The following DLG2 variants were observed in gnomAD, a reference collection of about 807,000 sequenced individuals.
DLG2 encodes discs large MAGUK scaffold protein 2.
In DLG2, 45 loss-of-function variants were observed where a neutral mutation model predicts 132.5. That is an observed-to-expected ratio of 0.34 (90% CI 0.27 to 0.44). The LOEUF is 0.44. Ranked by LOEUF, DLG2 falls within the 20% of genes least tolerant of loss-of-function variation. The pLI, the probability that DLG2 is intolerant of heterozygous loss-of-function variation, is 1.00. For missense variants in DLG2, 1,045 were observed against 1,196.9 expected (o/e 0.87, Z 1.87); for synonymous variants, 424 against 419.6 (o/e 1.01, Z -0.13).
chr11:85,017,780 T>C (rs2059693498), intron 6 of DLG2, among the ~76,000 whole-genome samples: 1 of 152,110 alleles, frequency 6.6e-6, no homozygotes, highest in Admixed American at 6.5e-5. Context: ...AACAAACACT[T>C]GCCCTTGAAG....
intron 9 of DLG2, among the ~76,000 whole-genome samples, chr11:84,131,471 T>C (rs2094420170): frequency 6.6e-6 from 1 of 152,006 alleles, no homozygotes; most frequent in Non-Finnish European, 1.5e-5. Flanking sequence ...GTTCCTACCA[T>C]GAGCAGGAAG....
intron 6 of DLG2, among the ~76,000 whole-genome samples, chr11:85,093,273 T>C (rs543951831): frequency 1.3e-5 from 2 of 151,622 alleles, no homozygotes; most frequent in South Asian, 4.2e-4. Flanking sequence ...GGGGCAGAAG[T>C]CATACACAAT....
At chr11:83,989,326 A>T (rs1261422334) in intron 11 of DLG2, among the ~76,000 whole-genome samples, 1 of 152,162 alleles carries the variant, frequency 6.6e-6, no homozygotes, top group Non-Finnish European at 1.5e-5. Flanking sequence ...ATAACTATGC[A>T]AATTTGAGTT....
chr11:83,483,429 C>T lies in DLG2; in HGVS notation c.2293+700G>A, dbSNP rs887634866. On this transcript the variant is annotated intron_variant, in intron 22 of 27. Coordinates refer to ENST00000376104, the MANE Select transcript of DLG2 (RefSeq NM_001142699.3). ...CTGCCTTAACAATCTGGATCCCATTCTCTCTTCTTTTAAAAAAACTTTCAC... is the reference window on the plus strand; with the variant it reads ...CTGCCTTAACAATCTGGATCCCATTTTCTCTTCTTTTAAAAAAACTTTCAC... The T allele has an allele frequency of 5.0e-6, 3 of 603,372 alleles. No individual in the cohort carries two copies. The South Asian group carries it at 8.1e-5, about 16-fold the overall frequency. 37.4% of individuals were successfully genotyped at this position (603,372 alleles called of 1,614,324 possible). A position where few individuals can be genotyped will look rare whatever the true frequency, so the allele number is the denominator to read the frequency against.
At chr11:83,563,754 C>T (rs1022935158) in intron 19 of DLG2, among the ~76,000 whole-genome samples, 1 of 152,170 alleles carries the variant, frequency 6.6e-6, no homozygotes, top group African/African-American at 2.4e-5. Context: ...CAAGATTCAT[C>T]TAATTAAAAA....
At chr11:85,497,640 G>A (rs1249065345) in intron 3 of DLG2, among the ~76,000 whole-genome samples, 2 of 151,914 alleles carry the variant, frequency 1.3e-5, no homozygotes, top group Admixed American at 6.6e-5. Context: ...TTTCACCAAG[G>A]TTGAAATGAA....
At chr11:83,737,761 G>A (rs957349247) in intron 18 of DLG2, among the ~76,000 whole-genome samples, 1 of 152,178 alleles carries the variant, frequency 6.6e-6, no homozygotes, top group Non-Finnish European at 1.5e-5. Flanking sequence ...AGACCATCTT[G>A]GTTAACACTG....
At position 83,865,588 on chromosome 11, in the gene DLG2, G is replaced by T. The variant is rs79160449; in HGVS notation, c.1565+8832C>A. 4.3e-3 allele frequency among the ~76,000 whole-genome samples: 651 copies of T among 151,946 alleles called. 4 individuals carry two copies. Among genetic ancestry groups the T allele is most frequent in the Non-Finnish European group, 6.2e-3 (424 of 67,846 alleles). ...GGAGAAAATACAGAAAATAAAAGGG[G>T]CCAAGGGAGGAACCGGTAGAGGAGA... On this transcript the variant is annotated intron_variant, in intron 16 of 27. Transcript: ENST00000376104.
intron 3 of DLG2, among the ~76,000 whole-genome samples, chr11:85,342,154 C>G (rs542886041): frequency 4.6e-5 from 7 of 152,214 alleles, no homozygotes; most frequent in African/African-American, 1.7e-4. Context: ...ATTACATTAG[C>G]TTAATATAAC....
chr11:85,100,052 T>C (rs144222222), intron 6 of DLG2, among the ~76,000 whole-genome samples: 1 of 152,244 alleles, frequency 6.6e-6, no homozygotes, highest in Non-Finnish European at 1.5e-5. Flanking sequence ...GATATAGAAA[T>C]TGTAAAAGAA....
intron 7 of DLG2, among the ~76,000 whole-genome samples, chr11:84,490,883 T>TTGTGTGTG (rs2099163223): frequency 7.8e-6 from 1 of 128,388 alleles, no homozygotes; most frequent in Non-Finnish European, 1.6e-5. Context: ...ATCTGAATGG[T>TTGTGTGTG]TGCGTGTGTG....
chr11:84,383,635 T>C (rs578207399), intron 7 of DLG2, among the ~76,000 whole-genome samples: 3 of 152,188 alleles, frequency 2.0e-5, no homozygotes, highest in African/African-American at 4.8e-5. Context: ...CAGACTCTAG[T>C]AGCTAAGGCA....
chr11:84,992,527 A>G (rs2057232761), intron 6 of DLG2, among the ~76,000 whole-genome samples: 1 of 152,152 alleles, frequency 6.6e-6, no homozygotes, highest in Non-Finnish European at 1.5e-5. Context: ...AACACAGTTT[A>G]TTTGAAAAGT....
At chr11:84,572,730 A>T (rs1302796349) in intron 6 of DLG2, among the ~76,000 whole-genome samples, 1 of 152,134 alleles carries the variant, frequency 6.6e-6, no homozygotes, top group Non-Finnish European at 1.5e-5. Context: ...AGCAACCTTG[A>T]GGAATGAGGT....
intron 4 of DLG2, among the ~76,000 whole-genome samples, chr11:85,263,130 A>G (rs534768411): frequency 1.0e-3 from 154 of 152,258 alleles, no homozygotes; most frequent in African/African-American, 3.5e-3. Flanking sequence ...CATCCCATCT[A>G]TTGGAAAGGA....
intron 7 of DLG2, among the ~76,000 whole-genome samples, chr11:84,463,760 T>C (rs1234779357): frequency 6.6e-6 from 1 of 151,132 alleles, no homozygotes; most frequent in African/African-American, 2.4e-5. Context: ...GAATGATGCA[T>C]GTTGTACCTG....
intron 3 of DLG2, among the ~76,000 whole-genome samples, chr11:85,373,179 G>C (rs543211936): frequency 6.6e-6 from 1 of 152,150 alleles, no homozygotes; most frequent in Non-Finnish European, 1.5e-5. Context: ...TTTTTAACCA[G>C]TCGGACTTTT....
At chr11:85,589,802 C>T (rs1297645607) in intron 3 of DLG2, among the ~76,000 whole-genome samples, 1 of 152,010 alleles carries the variant, frequency 6.6e-6, no homozygotes, top group African/African-American at 2.4e-5. Flanking sequence ...TTTCAGGTTA[C>T]ACCCCTCCCC....
chr11:85,113,043 A>C (rs138563398), intron 5 of DLG2, among the ~76,000 whole-genome samples: 2,964 of 152,186 alleles, frequency 0.019, 52 homozygotes, highest in Admixed American at 0.041. Flanking sequence ...ACTAAGCCCT[A>C]AAATGCTGTA....
Sources: gnomAD v4.1 joint callset for allele counts (sites outside exome capture counted in the v4.1 genomes callset) on GRCh38, gnomAD v4.1.1 for gene constraint, MANE v1.5 for transcripts, NCBI Gene and HGNC (gene_info 2026-07-23, HGNC 2026-07-21) for gene names.